JMJD1C: variants seen among roughly 807,000 people sequenced by gnomAD.
The protein encoded by JMJD1C is jumonji domain containing 1C.
In JMJD1C, 31 loss-of-function variants were observed where a neutral mutation model predicts 245.3. The observed-to-expected ratio is 0.13, with a 90% CI of 0.09 to 0.17. The LOEUF is 0.17. JMJD1C is among the 10% of genes least tolerant of loss of function. The pLI is 1.00. For synonymous variants in JMJD1C, 1,057 were observed against 1,017.4 expected (o/e 1.04, Z -0.74); for missense variants, 2,691 against 3,000.2 (o/e 0.90, Z 2.41).
chr10:63,507,675 C>T (rs1356548303), intron 1 of JMJD1C, among the ~76,000 whole-genome samples: 1 of 107,648 alleles, frequency 9.3e-6, no homozygotes, highest in Non-Finnish European at 1.8e-5. Context: ...AGTGGCTGTG[C>T]CACTTTGCAT....
intron 1 of JMJD1C, among the ~76,000 whole-genome samples, chr10:63,454,875 A>C (rs1294826264): frequency 6.6e-6 from 1 of 152,186 alleles, no homozygotes; most frequent in Non-Finnish European, 1.5e-5. Flanking sequence ...ATGTCCTGTA[A>C]ACTGCTGTCA....
intron 2 of JMJD1C, among the ~76,000 whole-genome samples, chr10:63,310,770 A>G (rs375454707): frequency 6.6e-6 from 1 of 152,168 alleles, no homozygotes. Flanking sequence ...TTTTTTAAAT[A>G]CAACTTTCTA....
At chr10:63,360,359 C>T (rs760925316) in intron 2 of JMJD1C, among the ~76,000 whole-genome samples, 22 of 151,924 alleles carry the variant, frequency 1.4e-4, no homozygotes, top group African/African-American at 2.9e-4. Flanking sequence ...ACCCTGTCTC[C>T]GAATAAAAGA....
chr10:63,206,724 T>C lies in JMJD1C; in HGVS notation c.4945A>G (p.Thr1649Ala). The C allele has an allele frequency of 6.2e-7, 1 of 1,613,988 alleles. No individual in the cohort carries two copies. ...AAATCATTTTGCTTCTTTTTGTAAG[T>C]TGGCTTAGGTTGTCTTTTAGTCCTT... ...EQRTKRQPKP[T>A]YKKKQNDLQK... Residue 1649 changes from threonine to alanine, a missense_variant, in exon 10 of 26, where the codon ACT becomes GCT. By Grantham distance (58) the Thr-to-Ala change is moderately conservative (BLOSUM62 0). Coordinates refer to ENST00000399262, the MANE Select transcript of JMJD1C (RefSeq NM_032776.3).
intron 1 of JMJD1C, among the ~76,000 whole-genome samples, chr10:63,505,594 T>C (rs1351097980): frequency 2.0e-5 from 3 of 152,154 alleles, no homozygotes; most frequent in East Asian, 1.9e-4. Context: ...TATTTAATTA[T>C]GGTGGGCTTT....
intron 1 of JMJD1C, among the ~76,000 whole-genome samples, chr10:63,386,299 C>T (rs531599567): frequency 6.6e-6 from 1 of 152,284 alleles, no homozygotes; most frequent in East Asian, 1.9e-4. Flanking sequence ...GCAAAGTGCA[C>T]CTGCCCAGTT....
chr10:63,183,332 T>C, intron 22 of JMJD1C, 115 bp downstream of exon 22: 1 of 889,656 alleles, frequency 1.1e-6, no homozygotes. Flanking sequence ...CCTACATCCA[T>C]TGCAATTCTT....
At chr10:63,456,260 T>A (rs112966434) in intron 1 of JMJD1C, among the ~76,000 whole-genome samples, 51 of 152,060 alleles carry the variant, frequency 3.4e-4, no homozygotes, top group African/African-American at 1.1e-3. Flanking sequence ...AGGCTCTACA[T>A]AGTTTTATCA....
At chr10:63,180,948 T>G (rs1843404046) in intron 22 of JMJD1C, among the ~76,000 whole-genome samples, 1 of 152,072 alleles carries the variant, frequency 6.6e-6, no homozygotes, top group African/African-American at 2.4e-5. Flanking sequence ...TTTTGTATTT[T>G]TAGTAGAGAC....
At chr10:63,211,293 C>T (rs1215243514) in intron 8 of JMJD1C, among the ~76,000 whole-genome samples, 4 of 151,846 alleles carry the variant, frequency 2.6e-5, no homozygotes, top group African/African-American at 4.8e-5. Flanking sequence ...AGTGAAACCT[C>T]GTTTCTACTA....
At chr10:63,457,065 GA>G (rs1451335754) in intron 1 of JMJD1C, among the ~76,000 whole-genome samples, 1 of 152,130 alleles carries the variant, frequency 6.6e-6, no homozygotes, top group East Asian at 1.9e-4. Context: ...GCTGACTTAT[GA>G]AAAACTGCTC....
intron 2 of JMJD1C, among the ~76,000 whole-genome samples, chr10:63,341,516 G>A (rs1943376705): frequency 6.6e-6 from 1 of 152,126 alleles, no homozygotes; most frequent in South Asian, 2.1e-4. Flanking sequence ...TGTCCTCCCT[G>A]TTTTCGAGGA....
At chr10:63,515,694 A>G (rs1298336825) in intron 1 of JMJD1C, among the ~76,000 whole-genome samples, 2 of 152,238 alleles carry the variant, frequency 1.3e-5, no homozygotes, top group African/African-American at 2.4e-5. Flanking sequence ...AGTGTTGTCT[A>G]TTCTTCATTT....
In JMJD1C at chr10:63,387,629, A is replaced by ATTTTTTTTTT. The variant is rs71025169; in HGVS notation, c.169-7157_169-7148dup. Among the ~76,000 whole-genome samples, 31 of 37,866 alleles carry ATTTTTTTTTT rather than the reference A, an allele frequency of 8.2e-4. 4 individuals are homozygous for ATTTTTTTTTT. The highest frequency in any genetic ancestry group is 2.8e-3 in the African/African-American group (23 of 8,302). 24.8% of individuals were successfully genotyped at this position (37,866 alleles called of 152,430 possible). ...AGTCAGAAGAAAAAAGAAAAAAAAA[A>ATTTTTTTTTT]TTTTTTTTTTTTTTTTTTTTTTTTG... is the stretch of plus-strand genomic sequence containing the variant. On this transcript the variant is annotated intron_variant, in intron 1 of 25. Coordinates refer to ENST00000399262, the MANE Select transcript of JMJD1C (RefSeq NM_032776.3).
At chr10:63,409,926 G>C (rs770445689) in intron 1 of JMJD1C, among the ~76,000 whole-genome samples, 5 of 152,094 alleles carry the variant, frequency 3.3e-5, no homozygotes, top group African/African-American at 7.2e-5. Flanking sequence ...AAGGAGTCTG[G>C]GGGTCCTGGG....
chr10:63,502,361 A>G (rs1391248501), intron 1 of JMJD1C, among the ~76,000 whole-genome samples: 1 of 152,196 alleles, frequency 6.6e-6, no homozygotes. Context: ...GCCGGCGGCC[A>G]GGCACCGTGG....
chr10:63,366,873 T>A (rs1010622469), intron 2 of JMJD1C, among the ~76,000 whole-genome samples: 1 of 152,230 alleles, frequency 6.6e-6, no homozygotes, highest in Non-Finnish European at 1.5e-5. Flanking sequence ...CCCTTGATTA[T>A]TGTTACCTGG....
At chr10:63,502,697 A>G (rs1046828302) in intron 1 of JMJD1C, among the ~76,000 whole-genome samples, 10 of 150,752 alleles carry the variant, frequency 6.6e-5, no homozygotes, top group African/African-American at 2.4e-4. Context: ...CCTTCCACCC[A>G]CAACTGCCAA....
intron 1 of JMJD1C, among the ~76,000 whole-genome samples, chr10:63,421,322 G>A (rs1589716041): frequency 6.6e-6 from 1 of 152,098 alleles, no homozygotes; most frequent in East Asian, 1.9e-4. Context: ...CAAGAAGAGT[G>A]AAACTCCGTC....
Sources: allele counts gnomAD v4.1 joint callset (sites outside exome capture counted in the v4.1 genomes callset), GRCh38; gene constraint gnomAD v4.1.1; transcripts MANE v1.5; gene names NCBI Gene and HGNC (gene_info 2026-07-23, HGNC 2026-07-21).